COA7: variants seen among roughly 807,000 people sequenced by gnomAD.
COA7 encodes the protein Sel1 repeat containing 1.
A neutral mutation model predicts 21.0 loss-of-function variants in COA7; 12 were observed. The ratio of observed to expected loss-of-function variants is 0.57; its 90% CI spans 0.37 to 0.92. The LOEUF (loss-of-function observed/expected upper bound fraction) is 0.92. Among genes scored for constraint, COA7 ranks in the 40% least tolerant of loss-of-function variants. COA7 has a pLI of 0.01. For synonymous variants in COA7, 95 were observed against 107.4 expected, an observed-to-expected ratio of 0.88 and a Z score of 0.72; for missense variants, 240 against 286.1, an observed-to-expected ratio of 0.84 and a Z score of 1.16.
intron 2 of COA7, among the ~76,000 whole-genome samples, chr1:52,689,742 C>T (rs523787): frequency 1 from 150,994 of 151,324 alleles, 75,334 homozygotes; most frequent in Middle Eastern, 1. Flanking sequence ...ATACAAAAAT[C>T]AGGCTGGGCG....
At chr1:52,694,462 A>G (rs451990) in intron 1 of COA7, among the ~76,000 whole-genome samples, 41,271 of 107,472 alleles carry the variant, frequency 0.38, 6,806 homozygotes, top group Middle Eastern at 0.45. Flanking sequence ...CTCCATCTCG[A>G]AAAAAAAAAA....
Position 52,692,575 on chromosome 1 carries a change from C to T in COA7, c.247+152G>A, listed in dbSNP as rs988304827. 9 of 834,324 alleles carry T rather than the reference C, an allele frequency of 1.1e-5. No individual in the cohort carries two copies. The East Asian group carries it at 2.3e-4, about 22-fold the overall frequency. The allele number at this position is 834,324 out of a possible 1,614,324, so 51.7% of individuals were successfully genotyped here. On this transcript the variant is annotated intron_variant, in intron 2 of 2. Coordinates refer to ENST00000371538, the MANE Select transcript of COA7 (RefSeq NM_023077.3). ...AACTTGAAAGGCTGTGTTCTTCCCC[C>T]CATCACTCTGCTGAACTCCTACCTC...
chr1:52,692,264 A>AT (rs1644052681), intron 2 of COA7, among the ~76,000 whole-genome samples: 1 of 152,244 alleles, frequency 6.6e-6, no homozygotes, highest in Non-Finnish European at 1.5e-5. Context: ...GTGAACAAAA[A>AT]TAACTATTTT....
chr1:52,696,223 G>A (rs1307283644), intron 1 of COA7, among the ~76,000 whole-genome samples: 2 of 152,016 alleles, frequency 1.3e-5, no homozygotes, highest in African/African-American at 4.8e-5. Flanking sequence ...GCCCAGGCTG[G>A]AGTGTGATGG....
At chr1:52,689,822 G>A (rs528788911) in intron 2 of COA7, among the ~76,000 whole-genome samples, 43 of 151,356 alleles carry the variant, frequency 2.8e-4, no homozygotes, top group African/African-American at 9.9e-4. Context: ...TCAGGAGTTC[G>A]AGACCAGCCT....
chr1:52,688,436 A>C (rs366309), intron 2 of COA7, among the ~76,000 whole-genome samples: 52,047 of 151,830 alleles, frequency 0.34, 9,382 homozygotes, highest in African/African-American at 0.39. Context: ...TTTGTAGAGA[A>C]AGGATCTCAC....
intron 1 of COA7, among the ~76,000 whole-genome samples, chr1:52,697,542 C>T (rs1292041445): frequency 6.6e-6 from 1 of 152,146 alleles, no homozygotes; most frequent in Non-Finnish European, 1.5e-5. Flanking sequence ...ACCCTTCACC[C>T]AGTCTTTTTT....
At position 52,684,788 on chromosome 1, in the gene COA7, C is replaced by T. The variant is rs765214686; in HGVS notation, c.*2932G>A. 3 of 152,072 alleles carry T rather than the reference C, an allele frequency of 2.0e-5. No individual in the cohort carries two copies. The highest frequency in any genetic ancestry group is 4.4e-5 in the Non-Finnish European group (3 of 68,022). 9.4% of individuals were successfully genotyped at this position (152,072 alleles called of 1,614,324 possible). On this transcript the variant is annotated 3_prime_UTR_variant, in exon 3 of 3. Coordinates refer to ENST00000371538, the MANE Select transcript of COA7 (RefSeq NM_023077.3). Reference sequence around the variant, plus strand: ...CTGTGCTCCAATTATTCCTCCCTCCCCTCCCCCACCCACTGCTTTTTACTG... The same window carrying T: ...CTGTGCTCCAATTATTCCTCCCTCCTCTCCCCCACCCACTGCTTTTTACTG...
chr1:52,696,665 CTT>C (rs1244070589), intron 1 of COA7, among the ~76,000 whole-genome samples: 2 of 143,720 alleles, frequency 1.4e-5, no homozygotes, highest in Admixed American at 6.9e-5. Context: ...TTTTTCTTTT[CTT>C]TTTTTTTTTA....
chr1:52,694,425 G>A (rs146098955), intron 1 of COA7, among the ~76,000 whole-genome samples: 10 of 135,064 alleles, frequency 7.4e-5, no homozygotes, highest in African/African-American at 2.7e-4. Context: ...GCGCCATTGC[G>A]CTCCAGCCTG....
At position 52,689,123 on chromosome 1, in the gene COA7, A is replaced by ACACAAAC. The variant is rs1465914342; in HGVS notation, c.248-956_248-955insGTTTGTG. Among the ~76,000 whole-genome samples the ACACAAAC allele has an allele frequency of 1.3e-4, 20 of 152,082 alleles. No individual in the cohort carries two copies. The South Asian group carries it at 4.2e-3, about 32-fold the overall frequency. On this transcript the variant is annotated intron_variant, in intron 2 of 2. Transcript: ENST00000371538. ...GAAAGCGGCTTAACACAAATTCATA[A>ACACAAAC]ACTTTCTTAAAACATTATGAAATTA...
chr1:52,690,097 G>C (rs1275047937), intron 2 of COA7, among the ~76,000 whole-genome samples: 3 of 151,250 alleles, frequency 2.0e-5, no homozygotes, highest in African/African-American at 7.3e-5. Context: ...AAAGTATAGT[G>C]CAAGGCAGGC....
rs1644016883 is a variant in COA7 at position 52,687,802 on chromosome 1, G to T, written c.614C>A (p.Ala205Asp). 1 of 1,614,104 alleles carries T rather than the reference G, an allele frequency of 6.2e-7. No homozygotes were observed. The highest frequency in any genetic ancestry group is 1.3e-5 in the African/African-American group (1 of 74,946). Residue 205 changes from alanine (A) to aspartate (D), a missense_variant, in exon 3 of 3, where the codon GCC becomes GAC. By Grantham distance (126) the Ala-to-Asp change is moderately radical. This residue lies in a region of COA7 where 163 missense variants were observed against 214.1 expected (regional missense o/e 0.76). Coordinates refer to ENST00000371538, the MANE Select transcript of COA7 (RefSeq NM_023077.3). ...TCGATTTTTTAGCACCTCGGCCTTG[G>T]CCTCATCCTTATCAACACCATCCCC... Reference protein sequence around the residue: ...KLGDGVDKDEAKAEVLKNRAQ... With the variant: ...KLGDGVDKDEDKAEVLKNRAQ...
intron 2 of COA7, among the ~76,000 whole-genome samples, chr1:52,689,194 C>T (rs540482427): frequency 1.3e-3 from 201 of 149,856 alleles, no homozygotes; most frequent in African/African-American, 4.6e-3. Flanking sequence ...CTTGCTGTGT[C>T]GCCCAGGCTG....
At position 52,687,791 on chromosome 1, in the gene COA7, C is replaced by A. The variant is rs759350756; in HGVS notation, c.625G>T (p.Val209Leu). The A allele has an allele frequency of 1.2e-6, 2 of 1,614,250 alleles. No homozygotes were observed. The highest frequency in any genetic ancestry group is 2.2e-5 in the East Asian group (1 of 44,886). ...GVDKDEAKAE[V>L]LKNRAQQLHK... ...AGCTGCTGGGCTCGATTTTTTAGCA[C>A]CTCGGCCTTGGCCTCATCCTTATCA... The change falls in exon 3 of 3, where the codon GTG (valine) becomes TTG (leucine). Residue 209 changes from valine to leucine, a missense_variant. Val to Leu is a conservative substitution (Grantham distance 32, BLOSUM62 1). Coordinates refer to ENST00000371538, the MANE Select transcript of COA7 (RefSeq NM_023077.3).
chr1:52,696,522 T>C (rs1278189788), intron 1 of COA7, among the ~76,000 whole-genome samples: 1 of 152,138 alleles, frequency 6.6e-6, no homozygotes, highest in Non-Finnish European at 1.5e-5. Flanking sequence ...CTCTGTGTCA[T>C]GACTATGTTA....
chr1:52,697,149 T>G (rs1326650616), intron 1 of COA7, among the ~76,000 whole-genome samples: 5 of 151,736 alleles, frequency 3.3e-5, no homozygotes, highest in Non-Finnish European at 7.4e-5. Flanking sequence ...TGTGCAGTGG[T>G]TCATGCCTGT....
chr1:52,687,873 C>A lies in COA7; in HGVS notation c.543G>T (p.Leu181=). The part of the protein sequence containing the change: ...ACKYSMKACD[L]GHIWACANAS... ...CATTGGCACAGGCCCAGATATGACC[C>A]AGGTCACAGGCTTTCATGGAGTATT... Residue 181 remains leucine (L), a synonymous_variant, in exon 3 of 3, where the codon CTG becomes CTT. Coordinates refer to ENST00000371538, the MANE Select transcript of COA7 (RefSeq NM_023077.3). 1 of 1,614,260 alleles carries A rather than the reference C, an allele frequency of 6.2e-7. No individual in the cohort carries two copies. Among genetic ancestry groups the A allele is most frequent in the Non-Finnish European group, 8.5e-7 (1 of 1,180,044 alleles).
rs1644066402 is a variant in COA7, at chr1:52,694,035, CCTCA to C, written c.107-1172_107-1169del. On this transcript the variant is annotated intron_variant, in intron 1 of 2. Transcript: ENST00000371538. ...AAACAGGAAGTGAAATACTGCATGTCCTCACTTATAAGTGGGAGCTAAATACTGT... is the reference window on the plus strand; with the variant it reads ...AAACAGGAAGTGAAATACTGCATGTCCTTATAAGTGGGAGCTAAATACTGT... 3.9e-5 allele frequency among the ~76,000 whole-genome samples: 6 copies of C among 152,240 alleles called. No individual in the cohort carries two copies. The South Asian group carries it at 1.2e-3, about 32-fold the overall frequency.
Sources: allele counts gnomAD v4.1 joint callset (sites outside exome capture counted in the v4.1 genomes callset), GRCh38; gene constraint gnomAD v4.1.1; regional missense constraint gnomAD v4.1.1; transcripts MANE v1.5; gene names NCBI Gene and HGNC (gene_info 2026-07-23, HGNC 2026-07-21).